Variants in DEPDC4 observed in about 807,000 individuals in gnomAD.
DEPDC4 encodes the protein DEP domain-containing protein 4.
DEPDC4 carries 52 observed loss-of-function variants against 52.0 expected under a neutral mutation model. The observed-to-expected ratio is 1.00, with a 90% confidence interval of 0.80 to 1.26. The LOEUF (loss-of-function observed/expected upper bound fraction) is 1.26, where lower values mean the gene tolerates loss of function less well. Ranked by LOEUF, DEPDC4 falls within the 50% of genes most tolerant of loss-of-function variation. The pLI, the probability that DEPDC4 is intolerant of heterozygous loss-of-function variation, is 0.00. For synonymous variants in DEPDC4, 201 were observed against 196.8 expected (o/e 1.02, Z -0.18); for missense variants, 530 against 546.9 (o/e 0.97, Z 0.31).
At chr12:100,274,511 T>C in the DEPDC4 span, among the ~76,000 whole-genome samples, 2 of 152,190 alleles carry the variant, frequency 1.3e-5, no homozygotes, top group Non-Finnish European at 2.9e-5. Context: ...TTAACATCTG[T>C]CCTGAAAGAA....
At chr12:100,245,458 G>A (rs994246419) in intron 8 of DEPDC4, among the ~76,000 whole-genome samples, 3 of 152,052 alleles carry the variant, frequency 2.0e-5, no homozygotes, top group Non-Finnish European at 4.4e-5. Context: ...GTAGAGACAG[G>A]GTTTCACCAT....
At chr12:100,254,508 T>C (rs554107546) in intron 4 of DEPDC4, among the ~76,000 whole-genome samples, 11 of 151,864 alleles carry the variant, frequency 7.2e-5, no homozygotes, top group Non-Finnish European at 1.3e-4. Flanking sequence ...GTATTTTGCA[T>C]AGAGACGGGG....
intron 4 of DEPDC4, among the ~76,000 whole-genome samples, chr12:100,255,639 C>T (rs1435186491): frequency 6.6e-6 from 1 of 152,084 alleles, no homozygotes; most frequent in Non-Finnish European, 1.5e-5. Flanking sequence ...CAAATTAGGC[C>T]GATTTTATGA....
chr12:100,256,191 G>A lies in DEPDC4; in HGVS notation c.736C>T (p.Gln246Ter), dbSNP rs1414168869. ...TCCAAGAATGGAAGGTGAATCAATT[G>A]AAGAAGACATAATAATGTTTGTTCT... ...WKEQTLLCLLQLIHLPFLDNI... is the reference protein window; with the variant it reads ...WKEQTLLCLL The change falls in exon 4 of 10, where the codon CAA (glutamine) becomes TAA (stop). Residue 246 changes from glutamine to a stop codon, truncating the protein, a stop_gained. Transcript: ENST00000550587. LOFTEE classifies it high-confidence loss of function. The A allele has an allele frequency of 1.2e-6, 2 of 1,612,676 alleles. No homozygotes were observed. The highest frequency in any genetic ancestry group is 2.2e-5 in the South Asian group (2 of 90,986).
intron 8 of DEPDC4, among the ~76,000 whole-genome samples, chr12:100,242,885 T>C (rs1003553047): frequency 4.6e-5 from 7 of 152,314 alleles, no homozygotes; most frequent in Admixed American, 2.0e-4. Flanking sequence ...AAATCCCAGC[T>C]CTTAATCAAT....
At chr12:100,278,436 G>A in the DEPDC4 span, among the ~76,000 whole-genome samples, 1 of 152,048 alleles carries the variant, frequency 6.6e-6, no homozygotes, top group African/African-American at 2.4e-5. Context: ...CTGGGCTCAA[G>A]TGATCCTCCC....
At chr12:100,269,137 A>G (rs2096284289), upstream of DEPDC4, among the ~76,000 whole-genome samples, 9 of 152,134 alleles carry the variant, frequency 5.9e-5, no homozygotes, top group South Asian at 1.9e-3. Context: ...GCTTCTCACC[A>G]TTTTTAAGTA....
chr12:100,268,324 A>G (rs2096282210), upstream of DEPDC4, among the ~76,000 whole-genome samples: 1 of 152,174 alleles, frequency 6.6e-6, no homozygotes, highest in Non-Finnish European at 1.5e-5. Flanking sequence ...TCAGCCTGCC[A>G]CTGTAAAACC....
intron 8 of DEPDC4, among the ~76,000 whole-genome samples, chr12:100,245,380 C>T (rs1167520960): frequency 4.6e-5 from 7 of 152,280 alleles, no homozygotes; most frequent in East Asian, 3.9e-4. Flanking sequence ...AATTCTCATG[C>T]CTCAGCCTCC....
chr12:100,252,353 T>G (rs79706818), intron 6 of DEPDC4, 41 bp downstream of exon 6: 29,294 of 1,493,614 alleles, frequency 0.02, 320 homozygotes, highest in Non-Finnish European at 0.022. Context: ...AGGAAAAAAA[T>G]AGCAAAAAAA....
rs188840555 is a variant in DEPDC4, at chr12:100,265,546, G to A, written c.157+1374C>T. On this transcript the variant is annotated intron_variant, in intron 1 of 9. Coordinates refer to ENST00000550587, the MANE Select transcript of DEPDC4 (RefSeq NM_001364818.2). ...GGAGGTGGAGGTTGCGGTGAGCCGA[G>A]ATCACGCCATTGCACTCCAGCCTGG... Among the ~76,000 whole-genome samples, 670 of 152,150 alleles carry A rather than the reference G, an allele frequency of 4.4e-3. 1 individual carries two copies. The highest frequency in any genetic ancestry group is 6.8e-3 in the Non-Finnish European group (461 of 68,006).
At chr12:100,242,870 A>G (rs1012952914) in intron 8 of DEPDC4, among the ~76,000 whole-genome samples, 2 of 152,158 alleles carry the variant, frequency 1.3e-5, no homozygotes, top group African/African-American at 2.4e-5. Context: ...ACATGCGACA[A>G]AGCAAAATCC....
chr12:100,244,878 T>A (rs2096178613), intron 8 of DEPDC4, among the ~76,000 whole-genome samples: 1 of 151,358 alleles, frequency 6.6e-6, no homozygotes, highest in South Asian at 2.1e-4. Context: ...TTATTTATTT[T>A]ATTTATTTTT....
chr12:100,243,421 C>A (rs1191127436), intron 8 of DEPDC4, among the ~76,000 whole-genome samples: 1 of 152,142 alleles, frequency 6.6e-6, no homozygotes, highest in Non-Finnish European at 1.5e-5. Context: ...CCCTTGTAAA[C>A]CCTCAGACAA....
At chr12:100,237,775 T>C (rs905318033), downstream of DEPDC4, 1 of 152,242 alleles carries the variant, frequency 6.6e-6, no homozygotes, top group African/African-American at 2.4e-5. Flanking sequence ...ATTAAAGGAA[T>C]AGCTCGATCT....
chr12:100,269,975 T>A (rs2096285702), upstream of DEPDC4, among the ~76,000 whole-genome samples: 1 of 152,024 alleles, frequency 6.6e-6, no homozygotes, highest in South Asian at 2.1e-4. Flanking sequence ...ACATTGTATT[T>A]GAGATTTTAT....
chr12:100,242,654 G>C, intron 8 of DEPDC4, 85 bp from the exon 9 acceptor site: 2 of 154,856 alleles, frequency 1.3e-5, no homozygotes, highest in Middle Eastern at 1.0e-3. Flanking sequence ...CATTACTGGG[G>C]CTTGGTGTCT....
chr12:100,262,222 T>C, intron 3 of DEPDC4, 42 bp downstream of exon 3: 7 of 1,572,900 alleles, frequency 4.5e-6, no homozygotes, highest in Non-Finnish European at 6.0e-6. Context: ...AGAAGTTAGT[T>C]CTTCCTTACC....
chr12:100,280,040 G>A, the DEPDC4 span, among the ~76,000 whole-genome samples: 2 of 152,156 alleles, frequency 1.3e-5, no homozygotes, highest in Non-Finnish European at 2.9e-5. Flanking sequence ...TCTGCTCTAT[G>A]CTCTGTAGTT....
Sources: gnomAD v4.1 joint callset for allele counts (sites outside exome capture counted in the v4.1 genomes callset) on GRCh38, gnomAD v4.1.1 for gene constraint, MANE v1.5 for transcripts, NCBI Gene and HGNC (gene_info 2026-07-23, HGNC 2026-07-21) for gene names.